The following SEMA3D variants were observed in gnomAD, a reference collection of about 807,000 sequenced individuals.
The protein encoded by SEMA3D is semaphorin 3D.
In SEMA3D, 84 loss-of-function variants were observed where a neutral mutation model predicts 100.1. The ratio of observed to expected loss-of-function variants is 0.84; its 90% CI spans 0.70 to 1.01. The LOEUF is 1.01. Among genes scored for constraint, SEMA3D ranks in the 50% least tolerant of loss-of-function variants. The pLI, the probability that SEMA3D is intolerant of heterozygous loss-of-function variation, is 0.00. For missense variants in SEMA3D, 875 were observed against 934.1 expected (o/e 0.94, Z 0.82); for synonymous variants, 312 against 320.7 (o/e 0.97, Z 0.29).
intron 18 of SEMA3D, among the ~76,000 whole-genome samples, chr7:85,003,315 G>A (rs1302852909): frequency 6.6e-6 from 1 of 152,024 alleles, no homozygotes; most frequent in East Asian, 1.9e-4. Context: ...TAAAGGGGAT[G>A]CTGGAGCAAT....
chr7:85,194,688 C>G, the SEMA3D span, among the ~76,000 whole-genome samples: 1 of 152,068 alleles, frequency 6.6e-6, no homozygotes, highest in Non-Finnish European at 1.5e-5. Flanking sequence ...TTTTCTAGAG[C>G]TGCCATAATA....
At chr7:85,145,388 A>G (rs1181318774) in intron 2 of SEMA3D, among the ~76,000 whole-genome samples, 2 of 152,152 alleles carry the variant, frequency 1.3e-5, no homozygotes, top group African/African-American at 4.8e-5. Context: ...TCAAATAATT[A>G]TATAAGAAGC....
At chr7:85,151,293 C>T (rs1258140139) in intron 2 of SEMA3D, among the ~76,000 whole-genome samples, 2 of 151,992 alleles carry the variant, frequency 1.3e-5, no homozygotes. Flanking sequence ...AGTCTGTCCT[C>T]ATTTCTTTTT....
chr7:85,237,537 T>C, the SEMA3D span, among the ~76,000 whole-genome samples: 738 of 152,362 alleles, frequency 4.8e-3, no homozygotes, highest in Admixed American at 0.01. Flanking sequence ...TCATGCCGTA[T>C]GTAGACTTTT....
the SEMA3D span, among the ~76,000 whole-genome samples, chr7:85,219,048 T>C: frequency 1.3e-5 from 2 of 152,150 alleles, no homozygotes; most frequent in African/African-American, 4.8e-5. Context: ...TGATTAGTTG[T>C]AGAACTTTTA....
chr7:85,058,529 C>T (rs904829254), intron 8 of SEMA3D, among the ~76,000 whole-genome samples: 2 of 151,924 alleles, frequency 1.3e-5, no homozygotes, highest in African/African-American at 2.4e-5. Context: ...CGGCAGATCA[C>T]GAGGTAAAGA....
rs560250347 is a variant in SEMA3D, at chr7:85,063,795, T to G, written c.718+1629A>C. Among the ~76,000 whole-genome samples the G allele has an allele frequency of 1.2e-4, 18 of 152,286 alleles. 1 individual carries two copies. Among genetic ancestry groups the G allele is most frequent in the African/African-American group, 3.4e-4 (14 of 41,564 alleles). ...TCCTTGATTAAAAAGTAAGCCATCA[T>G]GGTTTCAAGATAATATTTACAGCTT... On this transcript the variant is annotated intron_variant, in intron 8 of 18. Coordinates refer to ENST00000284136, the MANE Select transcript of SEMA3D (RefSeq NM_001384900.1).
At position 85,037,034 on chromosome 7, in the gene SEMA3D, C is replaced by T; in HGVS notation, c.1047-1G>A. The stretch of plus-strand genomic sequence containing the variant: ...AACAGCAGAGCCTTTGAAGATGGAG[C>T]TGGAAAAAAAAAGCATCATCATTCA... On this transcript the variant is annotated splice_acceptor_variant, in intron 11 of 18. Coordinates refer to ENST00000284136, the MANE Select transcript of SEMA3D (RefSeq NM_001384900.1). LOFTEE classifies it high-confidence loss of function. 1.9e-6 allele frequency: 3 copies of T among 1,600,170 alleles called. No homozygotes were observed. Among genetic ancestry groups the T allele is most frequent in the East Asian group, 2.2e-5 (1 of 44,672 alleles).
the SEMA3D span, among the ~76,000 whole-genome samples, chr7:85,240,188 T>C: frequency 6.6e-6 from 1 of 152,134 alleles, no homozygotes; most frequent in East Asian, 1.9e-4. Flanking sequence ...TCCCCTTCTA[T>C]TCTTAGTTTG....
intron 9 of SEMA3D, among the ~76,000 whole-genome samples, chr7:85,055,500 CT>C (rs2116077748): frequency 6.6e-6 from 1 of 151,262 alleles, no homozygotes; most frequent in African/African-American, 2.4e-5. Context: ...CTTTTTCTTT[CT>C]TTTCTTCTTT....
intron 2 of SEMA3D, among the ~76,000 whole-genome samples, chr7:85,128,494 G>A (rs1789629772): frequency 6.6e-6 from 1 of 151,940 alleles, no homozygotes; most frequent in African/African-American, 2.4e-5. Context: ...ATTGAGATAT[G>A]CTTATTTCTA....
At chr7:85,004,756 T>C (rs952224745) in intron 18 of SEMA3D, among the ~76,000 whole-genome samples, 4 of 152,060 alleles carry the variant, frequency 2.6e-5, no homozygotes, top group Non-Finnish European at 2.9e-5. Context: ...ATAATCTGGA[T>C]ATTGCCCTTT....
At chr7:85,031,753 G>A (rs980713376) in intron 12 of SEMA3D, among the ~76,000 whole-genome samples, 5 of 152,008 alleles carry the variant, frequency 3.3e-5, no homozygotes, top group Admixed American at 2.6e-4. Flanking sequence ...GTGAGATAAC[G>A]TATACGGGCT....
chr7:85,012,795 C>T lies in SEMA3D; in HGVS notation c.1755G>A (p.Trp585Ter), dbSNP rs762614894. Residue 585 changes from tryptophan to a stop codon, truncating the protein, a stop_gained, in exon 17 of 19, where the codon TGG becomes TGA. Coordinates refer to ENST00000284136, the MANE Select transcript of SEMA3D (RefSeq NM_001384900.1). LOFTEE classifies it high-confidence loss of function. ...VKYGDPITQC[W>*]DIEDSISHET... is the part of the protein sequence containing the mutation. ...AGCTGTACTTACTGTCTTCGATGTC[C>T]CAGCACTGGGTGATTGGGTCGCCAT... The T allele has an allele frequency of 6.2e-7, 1 of 1,610,098 alleles. No homozygotes were observed. The highest frequency in any genetic ancestry group is 8.5e-7 in the Non-Finnish European group (1 of 1,177,292).
At chr7:85,061,130 A>G (rs1030936363) in intron 8 of SEMA3D, among the ~76,000 whole-genome samples, 10 of 152,174 alleles carry the variant, frequency 6.6e-5, no homozygotes, top group African/African-American at 2.4e-4. Flanking sequence ...AAATGCCCAT[A>G]AAAATACTGT....
chr7:85,197,871 T>C, the SEMA3D span, among the ~76,000 whole-genome samples: 103 of 152,218 alleles, frequency 6.8e-4, no homozygotes, highest in African/African-American at 2.3e-3. Context: ...CTCAAATTAT[T>C]CTCAACAGTA....
rs1458178964 is a variant in SEMA3D at position 84,998,103 on chromosome 7, CAA to C, written c.*1335_*1336del. 1.3e-5 allele frequency: 2 copies of C among 152,088 alleles called. No individual in the cohort carries two copies. Among genetic ancestry groups the C allele is most frequent in the East Asian group, 1.9e-4 (1 of 5,188 alleles). The allele number at this position is 152,088 out of a possible 1,614,324, so 9.4% of individuals were successfully genotyped here. A position where few individuals can be genotyped will look rare whatever the true frequency, so the allele number is the denominator to read the frequency against. On this transcript the variant is annotated 3_prime_UTR_variant, in exon 19 of 19. Transcript: ENST00000284136. ...ATGAGAAAAGGTTGAGTGAAGATGTCAAAGAGTTAATTTAACCCTTTCCGTTG... is the reference window on the plus strand; with the variant it reads ...ATGAGAAAAGGTTGAGTGAAGATGTCAGAGTTAATTTAACCCTTTCCGTTG...
intron 9 of SEMA3D, among the ~76,000 whole-genome samples, chr7:85,054,057 A>C (rs1219521680): frequency 2.0e-5 from 3 of 151,950 alleles, no homozygotes. Context: ...AATAGGTTAT[A>C]ATTTTAATAT....
intron 3 of SEMA3D, among the ~76,000 whole-genome samples, chr7:85,098,710 T>C (rs1458418066): frequency 1.3e-5 from 2 of 151,912 alleles, no homozygotes; most frequent in Non-Finnish European, 2.9e-5. Context: ...TAGTTTAGGG[T>C]TTAATTTTGG....
Sources: allele counts gnomAD v4.1 joint callset (sites outside exome capture counted in the v4.1 genomes callset), GRCh38; gene constraint gnomAD v4.1.1; transcripts MANE v1.5; gene names NCBI Gene and HGNC (gene_info 2026-07-23, HGNC 2026-07-21).